KCNH5: variants seen among roughly 807,000 people sequenced by gnomAD.
The protein encoded by KCNH5 is potassium voltage-gated channel subfamily H member 5, also known as voltage-gated delayed rectifier potassium channel KCNH5.
In KCNH5, 46 loss-of-function variants were observed where a neutral mutation model predicts 96.1. That is an observed-to-expected ratio of 0.48 (90% confidence interval 0.38 to 0.61). KCNH5 has a LOEUF of 0.61. KCNH5 is among the 20% of genes least tolerant of loss of function. KCNH5 has a pLI of 0.00. For synonymous variants in KCNH5, 439 were observed against 449.8 expected (o/e 0.98, Z 0.30); for missense variants, 907 against 1,225.8 (o/e 0.74, Z 3.88).
Position 62,950,140 on chromosome 14 carries a change from C to A in KCNH5, c.1362G>T (p.Met454Ile). Residue 454 changes from methionine (M) to isoleucine (I), a missense_variant, in exon 7 of 11, where the codon ATG (methionine) becomes ATT (isoleucine). Transcript: ENST00000322893. ...AAAAATTAAAATACTTACAGCCAACCATCATCATAGCCACCGAAAACATCT... is the reference window on the plus strand; with the variant it reads ...AAAAATTAAAATACTTACAGCCAACAATCATCATAGCCACCGAAAACATCT... Reference protein sequence around the residue: ...VEKMFSVAMMMVGSLLYATIF... With the variant: ...VEKMFSVAMMIVGSLLYATIF... The A allele has an allele frequency of 6.2e-7, 1 of 1,613,514 alleles. No homozygotes were observed. Among genetic ancestry groups the A allele is most frequent in the South Asian group, 1.1e-5 (1 of 91,004 alleles).
intron 10 of KCNH5, among the ~76,000 whole-genome samples, chr14:62,763,391 G>A (rs1016892029): frequency 6.6e-6 from 1 of 151,546 alleles, no homozygotes; most frequent in Non-Finnish European, 1.5e-5. Context: ...CTAAGGCAGT[G>A]TTAAAAGAAA....
At chr14:62,711,790 C>G (rs1203616494) in intron 10 of KCNH5, among the ~76,000 whole-genome samples, 1 of 152,206 alleles carries the variant, frequency 6.6e-6, no homozygotes, top group Non-Finnish European at 1.5e-5. Context: ...ATTCAGTCTG[C>G]TAGAAGCCAG....
intron 7 of KCNH5, among the ~76,000 whole-genome samples, chr14:62,859,125 G>A (rs940851430): frequency 1.3e-5 from 2 of 152,280 alleles, no homozygotes; most frequent in East Asian, 1.9e-4. Flanking sequence ...TGGAGTAAGT[G>A]TCTATTCCAG....
intron 7 of KCNH5, among the ~76,000 whole-genome samples, chr14:62,917,723 T>C (rs1889302936): frequency 6.6e-6 from 1 of 152,172 alleles, no homozygotes; most frequent in South Asian, 2.1e-4. Flanking sequence ...TTCATTTAAC[T>C]ACTTGGACAT....
chr14:62,992,523 T>C (rs1414518522), intron 4 of KCNH5, among the ~76,000 whole-genome samples: 1 of 151,880 alleles, frequency 6.6e-6, no homozygotes, highest in African/African-American at 2.4e-5. Flanking sequence ...ATTCTGATTG[T>C]TGTGAGATGG....
intron 9 of KCNH5, among the ~76,000 whole-genome samples, chr14:62,796,028 T>C (rs1017707587): frequency 1.3e-5 from 2 of 151,938 alleles, no homozygotes; most frequent in African/African-American, 4.8e-5. Context: ...GAGAATAGGG[T>C]AGGGATAGAC....
At chr14:62,959,561 T>C (rs1230732428) in intron 6 of KCNH5, among the ~76,000 whole-genome samples, 2 of 152,054 alleles carry the variant, frequency 1.3e-5, no homozygotes, top group East Asian at 3.9e-4. Flanking sequence ...TTTAATCTGT[T>C]GAAGTCAAAT....
At chr14:63,037,327 G>A (rs1427295467) in intron 1 of KCNH5, among the ~76,000 whole-genome samples, 3 of 152,092 alleles carry the variant, frequency 2.0e-5, no homozygotes, top group Admixed American at 1.3e-4. Context: ...CAGAAAAACA[G>A]GAGAAACATT....
chr14:63,010,972 T>C (rs941163577), intron 2 of KCNH5, among the ~76,000 whole-genome samples: 1 of 152,146 alleles, frequency 6.6e-6, no homozygotes, highest in Admixed American at 6.6e-5. Context: ...GGTAATATTA[T>C]CTGCAGGCTG....
chr14:62,854,004 C>CAAAAAAA (rs548263620), intron 7 of KCNH5, among the ~76,000 whole-genome samples: 2 of 84,224 alleles, frequency 2.4e-5, no homozygotes, highest in African/African-American at 4.4e-5. Context: ...GAGACTCTGT[C>CAAAAAAA]AAAAAAAAAA....
chr14:62,874,795 C>A, intron 7 of KCNH5, among the ~76,000 whole-genome samples: 1 of 93,790 alleles, frequency 1.1e-5, no homozygotes, highest in Non-Finnish European at 2.1e-5. Context: ...CAGGGATGCC[C>A]TCTCTCACCG....
At chr14:62,709,180 C>A (rs865788655) in intron 10 of KCNH5, among the ~76,000 whole-genome samples, 1 of 132,058 alleles carries the variant, frequency 7.6e-6, no homozygotes, top group African/African-American at 2.9e-5. Flanking sequence ...TTGCAGTGAG[C>A]GGAGATCGCG....
At chr14:62,714,119 C>A (rs1210581371) in intron 10 of KCNH5, among the ~76,000 whole-genome samples, 1 of 46,484 alleles carries the variant, frequency 2.2e-5, no homozygotes, top group Non-Finnish European at 5.4e-5. Context: ...CCTATCTCTA[C>A]AATAAAATTT....
chr14:62,981,603 T>C (rs916959161), intron 5 of KCNH5, among the ~76,000 whole-genome samples: 1 of 152,208 alleles, frequency 6.6e-6, no homozygotes, highest in Non-Finnish European at 1.5e-5. Flanking sequence ...CCAGCAGTTA[T>C]TTGGGTGAGA....
chr14:62,824,855 G>A (rs984955834), intron 8 of KCNH5, among the ~76,000 whole-genome samples: 4 of 151,932 alleles, frequency 2.6e-5, no homozygotes, highest in Non-Finnish European at 5.9e-5. Context: ...CCACTTATAA[G>A]TGGAAACACC....
intron 7 of KCNH5, among the ~76,000 whole-genome samples, chr14:62,932,263 TACC>T (rs1173241497): frequency 1.3e-5 from 2 of 152,014 alleles, no homozygotes; most frequent in Non-Finnish European, 1.5e-5. Context: ...AACTTTCTTA[TACC>T]CTCAGAAAGA....
intron 7 of KCNH5, among the ~76,000 whole-genome samples, chr14:62,944,503 A>G (rs1212254198): frequency 6.6e-6 from 1 of 152,020 alleles, no homozygotes; most frequent in Non-Finnish European, 1.5e-5. Context: ...ACACATACAC[A>G]CACACACACC....
chr14:63,015,163 T>C (rs895140860), intron 2 of KCNH5, among the ~76,000 whole-genome samples: 5 of 152,028 alleles, frequency 3.3e-5, no homozygotes, highest in Non-Finnish European at 7.4e-5. Context: ...AGGAAGAGAA[T>C]GTTTGAGCAG....
intron 3 of KCNH5, among the ~76,000 whole-genome samples, chr14:63,002,178 T>C (rs9652354): frequency 0.21 from 32,521 of 152,032 alleles, 4,187 homozygotes; most frequent in East Asian, 0.38. Flanking sequence ...CTCCCTCACT[T>C]AAACAGCATG....
Sources: allele counts gnomAD v4.1 joint callset (sites outside exome capture counted in the v4.1 genomes callset), GRCh38; gene constraint gnomAD v4.1.1; transcripts MANE v1.5; gene names NCBI Gene and HGNC (gene_info 2026-07-23, HGNC 2026-07-21).